The following HOOK3 variants were observed in gnomAD, a reference collection of about 807,000 sequenced individuals.
HOOK3 encodes the protein hook microtubule tethering protein 3, also known as protein Hook homolog 3.
HOOK3 carries 24 observed loss-of-function variants against 116.3 expected under a neutral mutation model. The observed-to-expected ratio is 0.21, with a 90% CI of 0.15 to 0.29. The LOEUF (loss-of-function observed/expected upper bound fraction) is 0.29. Ranked by LOEUF, HOOK3 falls within the 10% of genes least tolerant of loss-of-function variation. HOOK3 has a pLI of 1.00. For synonymous variants in HOOK3, 275 were observed against 283.0 expected (o/e 0.97, Z 0.28); for missense variants, 632 against 830.2 (o/e 0.76, Z 2.93).
chr8:42,964,555 A>G (rs1808596171), intron 9 of HOOK3, 81 bp downstream of exon 9: 28 of 1,278,384 alleles, frequency 2.2e-5, no homozygotes, highest in South Asian at 1.2e-4. Flanking sequence ...GGCCAGGCAC[A>G]TTGGTCCATG....
rs112075233 is a variant in HOOK3, at chr8:42,898,356, T to C, written c.57+1168T>C. Among the ~76,000 whole-genome samples the C allele has an allele frequency of 6.3e-3, 954 of 152,324 alleles. 6 individuals are homozygous for C. Among genetic ancestry groups the C allele is most frequent in the Non-Finnish European group, 0.01 (696 of 68,026 alleles). On this transcript the variant is annotated intron_variant, in intron 1 of 21. Transcript: ENST00000307602. The stretch of plus-strand genomic sequence containing the variant: ...GGGGATTTCAGATCGTTAGCAGTAG[T>C]ATGTAGTTAGCGTGCAGCTTACCCT...
intron 13 of HOOK3, among the ~76,000 whole-genome samples, chr8:42,980,463 A>G (rs1471006737): frequency 6.6e-6 from 1 of 152,152 alleles, no homozygotes; most frequent in Non-Finnish European, 1.5e-5. Flanking sequence ...CCAATGTGGT[A>G]GTTTTGAGAG....
chr8:42,941,584 CTTCTAGGAATTGA>C (rs969846182), intron 4 of HOOK3, among the ~76,000 whole-genome samples: 2 of 150,818 alleles, frequency 1.3e-5, no homozygotes, highest in Non-Finnish European at 2.9e-5. Context: ...CTTTTATGTC[CTTCTAGGAATTGA>C]TTTTCCTATT....
intron 19 of HOOK3, among the ~76,000 whole-genome samples, 162 bp from the exon 20 acceptor site, chr8:43,012,889 A>C (rs1809639463): frequency 6.6e-6 from 1 of 152,238 alleles, no homozygotes; most frequent in Non-Finnish European, 1.5e-5. Context: ...GGCATGAGCC[A>C]CCACTCCAGG....
At chr8:42,939,706 G>C (rs1231315214) in intron 4 of HOOK3, among the ~76,000 whole-genome samples, 7 of 151,036 alleles carry the variant, frequency 4.6e-5, no homozygotes, top group African/African-American at 1.5e-4. Context: ...GCTGGGCGGA[G>C]GGGCTCCTCA....
chr8:42,988,005 C>T (rs1586623396), intron 15 of HOOK3, among the ~76,000 whole-genome samples: 2 of 152,082 alleles, frequency 1.3e-5, no homozygotes, highest in East Asian at 3.9e-4. Context: ...TCTTAGGAGT[C>T]ACAATTGCTG....
chr8:42,991,843 C>T (rs1327833638), intron 15 of HOOK3, among the ~76,000 whole-genome samples: 2 of 152,124 alleles, frequency 1.3e-5, no homozygotes, highest in African/African-American at 4.8e-5. Context: ...CCTGCCTTTG[C>T]CTCCCTAAGA....
intron 10 of HOOK3, among the ~76,000 whole-genome samples, chr8:42,967,614 C>G (rs1808655531): frequency 1.3e-5 from 2 of 152,084 alleles, no homozygotes; most frequent in Admixed American, 1.3e-4. Flanking sequence ...AGTTATTACT[C>G]TCTCCTTCCC....
chr8:42,970,498 A>G (rs563224428), intron 11 of HOOK3, among the ~76,000 whole-genome samples: 78 of 152,138 alleles, frequency 5.1e-4, no homozygotes, highest in African/African-American at 1.8e-3. Flanking sequence ...TGAACATGAT[A>G]CCTTTCCGTG....
chr8:42,998,929 C>T (rs2130469745), intron 16 of HOOK3, among the ~76,000 whole-genome samples: 1 of 152,288 alleles, frequency 6.6e-6, no homozygotes, highest in African/African-American at 2.4e-5. Flanking sequence ...TAGAGATGAA[C>T]TGAATGGGGC....
intron 1 of HOOK3, among the ~76,000 whole-genome samples, chr8:42,903,291 C>A (rs1033022069): frequency 6.6e-6 from 1 of 151,708 alleles, no homozygotes; most frequent in African/African-American, 2.4e-5. Flanking sequence ...GCAAAACTCT[C>A]CTGTATTATA....
At chr8:42,964,569 G>T (rs1239927205) in intron 9 of HOOK3, 95 bp downstream of exon 9, 1 of 1,118,858 alleles carries the variant, frequency 8.9e-7, no homozygotes, top group Non-Finnish European at 1.3e-6. Context: ...GTCCATGCCT[G>T]GAATCCCAGC....
chr8:43,005,223 T>TG (rs1471205601), intron 17 of HOOK3, among the ~76,000 whole-genome samples: 1 of 136,414 alleles, frequency 7.3e-6, no homozygotes, highest in African/African-American at 2.8e-5. Flanking sequence ...AATTTTTTTT[T>TG]TTTTTTTTTT....
Position 42,968,177 on chromosome 8 carries a change from A to G in HOOK3, c.1085A>G (p.Asn362Ser), listed in dbSNP as rs751230454. ...VSLEEELRKA[N>S]AARSQLETYK... Reference sequence around the variant, plus strand: ...CTAGAGGAAGAGTTAAGAAAGGCCAACGCAGCGCGAAGTCAACTTGAAACC... The same window carrying G: ...CTAGAGGAAGAGTTAAGAAAGGCCAGCGCAGCGCGAAGTCAACTTGAAACC... Residue 362 changes from asparagine to serine, a missense_variant, in exon 11 of 22, where the codon AAC becomes AGC. Asn to Ser is a conservative substitution (Grantham distance 46). This residue lies in a region of HOOK3 where 483 missense variants were observed against 648.1 expected (regional missense o/e 0.75). Transcript: ENST00000307602. 1.9e-6 allele frequency: 3 copies of G among 1,614,010 alleles called. No homozygotes were observed. Among genetic ancestry groups the G allele is most frequent in the Non-Finnish European group, 2.5e-6 (3 of 1,179,942 alleles).
chr8:42,943,381 A>G lies in HOOK3; in HGVS notation c.336A>G (p.Ala112=), dbSNP rs760892368. ...DVNLIGEHSD[A]AELGRMLQLI... Reference sequence around the variant, plus strand: ...ACCTTATTGGGGAGCATTCTGATGCAGCAGAGCTTGGAAGGATGCTTCAGC... The same window carrying G: ...ACCTTATTGGGGAGCATTCTGATGCGGCAGAGCTTGGAAGGATGCTTCAGC... The change falls in exon 5 of 22, where the codon GCA becomes GCG. Residue 112 remains alanine (A), a synonymous_variant. Coordinates refer to ENST00000307602, the MANE Select transcript of HOOK3 (RefSeq NM_032410.4). The G allele has an allele frequency of 1.3e-6, 2 of 1,570,966 alleles. No individual in the cohort carries two copies. Among genetic ancestry groups the G allele is most frequent in the East Asian group, 4.6e-5 (2 of 43,596 alleles).
Position 43,010,393 on chromosome 8 carries a change from GA to G in HOOK3, c.1830del (p.Ala611ProfsTer8). 7.1e-7 allele frequency: 1 copy of G among 1,417,356 alleles called. No homozygotes were observed. The highest frequency in any genetic ancestry group is 9.5e-7 in the Non-Finnish European group (1 of 1,054,894). 87.8% of individuals were successfully genotyped at this position (1,417,356 alleles called of 1,614,324 possible). On this transcript the variant is annotated frameshift_variant, in exon 19 of 22. Coordinates refer to ENST00000307602, the MANE Select transcript of HOOK3 (RefSeq NM_032410.4). LOFTEE classifies it high-confidence loss of function. Reference sequence around the variant, plus strand: ...AAGAACGATACAAAAAATACTTAGAGAAAGCCAAAAGTGTAAGTATGAATTT... The same window carrying G: ...AAGAACGATACAAAAAATACTTAGAGAAGCCAAAAGTGTAAGTATGAATTT... ...MEERYKKYLE[K>X]AKSVIRTLDP...
intron 2 of HOOK3, among the ~76,000 whole-genome samples, chr8:42,907,719 T>G (rs1217312551): frequency 6.8e-6 from 1 of 147,586 alleles, no homozygotes; most frequent in East Asian, 2.0e-4. Context: ...AAAGAAAGTA[T>G]ATATATATAT....
intron 4 of HOOK3, among the ~76,000 whole-genome samples, chr8:42,939,472 G>T (rs558024731): frequency 6.7e-6 from 1 of 149,568 alleles, no homozygotes; most frequent in African/African-American, 2.5e-5. Flanking sequence ...AGGGGCGGCC[G>T]GGCAGAGGCG....
chr8:42,904,576 G>A (rs1319138598), intron 1 of HOOK3, among the ~76,000 whole-genome samples: 1 of 152,078 alleles, frequency 6.6e-6, no homozygotes, highest in East Asian at 1.9e-4. Flanking sequence ...CTCCCAAAGT[G>A]CTGGGATTAC....
Sources: allele counts gnomAD v4.1 joint callset (sites outside exome capture counted in the v4.1 genomes callset), GRCh38; gene constraint gnomAD v4.1.1; regional missense constraint gnomAD v4.1.1; transcripts MANE v1.5; gene names NCBI Gene and HGNC (gene_info 2026-07-23, HGNC 2026-07-21).